The following KMT2B variants were observed in gnomAD, a reference collection of about 807,000 sequenced individuals.
KMT2B encodes histone-lysine N-methyltransferase 2B.
A neutral mutation model predicts 255.3 loss-of-function variants in KMT2B; 22 were observed. The observed-to-expected ratio is 0.09, with a 90% confidence interval of 0.06 to 0.12. The LOEUF (loss-of-function observed/expected upper bound fraction) is 0.12, where lower values mean the gene tolerates loss of function less well. Among genes scored for constraint, KMT2B ranks in the 10% least tolerant of loss-of-function variants. KMT2B has a pLI of 1.00. For missense variants in KMT2B, 3,149 were observed against 3,737.0 expected (o/e 0.84, Z 4.10); for synonymous variants, 1,730 against 1,498.1 (o/e 1.15, Z -3.57).
chr19:35,725,873 C>A lies in KMT2B; in HGVS notation c.3885+55C>A. The A allele has an allele frequency of 7.0e-7, 1 of 1,423,278 alleles. No individual in the cohort carries two copies. The allele number at this position is 1,423,278 out of a possible 1,614,324, so 88.2% of individuals were successfully genotyped here. ...GTCTCTAATGAATATCACCACCACC[C>A]CCAAACTTGCTCTAGGCTGGGGCTC... On this transcript the variant is annotated intron_variant, in intron 13 of 36. Coordinates refer to ENST00000420124, the MANE Select transcript of KMT2B (RefSeq NM_014727.3). This position sits in a 1 kb window ranked among gnomAD's most constrained non-coding sequence, Gnocchi z 4.1.
chr19:35,719,012 C>T (rs774462508), intron 1 of KMT2B, among the ~76,000 whole-genome samples: 73 of 152,180 alleles, frequency 4.8e-4, no homozygotes, highest in Non-Finnish European at 5.9e-4. Context: ...CCTGAGAGCT[C>T]GCAGTGGAGC....
chr19:35,728,939 G>C (rs1969576263), intron 20 of KMT2B, 46 bp from the exon 21 acceptor site: 1 of 1,612,592 alleles, frequency 6.2e-7, no homozygotes, highest in Non-Finnish European at 8.5e-7. Context: ...TGGTGGCCTG[G>C]CTCCGGGTCC....
At position 35,733,733 on chromosome 19, in the gene KMT2B, T is replaced by C; in HGVS notation, c.7050-30T>C. 1 of 1,610,126 alleles carries C rather than the reference T, an allele frequency of 6.2e-7. No individual in the cohort carries two copies. Among genetic ancestry groups the C allele is most frequent in the African/African-American group, 1.3e-5 (1 of 74,826 alleles). On this transcript the variant is annotated intron_variant, in intron 29 of 36. Coordinates refer to ENST00000420124, the MANE Select transcript of KMT2B (RefSeq NM_014727.3). This position sits in a 1 kb window ranked among gnomAD's most constrained non-coding sequence, Gnocchi z 4.3. The stretch of plus-strand genomic sequence containing the variant: ...CCTGGAGGGTCTGGGACCTCTGTCC[T>C]TCCCCTTCCTGACAGGTCTCTTCTC...
intron 2 of KMT2B, 59 bp downstream of exon 2, chr19:35,719,600 T>C (rs960774998): frequency 6.5e-7 from 1 of 1,537,608 alleles, no homozygotes; most frequent in Non-Finnish European, 8.9e-7. Context: ...TCGCCCTTCG[T>C]GTCAGCTCTT....
At chr19:35,724,601 G>T in intron 8 of KMT2B, 36 bp from the exon 9 acceptor site, 1 of 1,524,212 alleles carries the variant, frequency 6.6e-7, no homozygotes, top group East Asian at 2.4e-5. Context: ...GGGCGTGGAA[G>T]GGGAGTGACC....
Position 35,726,321 on chromosome 19 carries a change from T to C in KMT2B, c.3971T>C (p.Leu1324Pro). 6.2e-7 allele frequency: 1 copy of C among 1,613,656 alleles called. No individual in the cohort carries two copies. Among genetic ancestry groups the C allele is most frequent in the Non-Finnish European group, 8.5e-7 (1 of 1,179,732 alleles). ...WDVEWSGDYS[L>P]CPRCTQLYEK... Reference sequence around the variant, plus strand: ...GTCGAGTGGTCTGGAGATTACAGCCTCTGCCCCAGGTGCACCCAGCTATAT... The same window carrying C: ...GTCGAGTGGTCTGGAGATTACAGCCCCTGCCCCAGGTGCACCCAGCTATAT... Residue 1324 changes from leucine to proline, a missense_variant, in exon 14 of 37, where the codon CTC (leucine) becomes CCC (proline). By Grantham distance (98) the Leu-to-Pro change is moderately conservative. Coordinates refer to ENST00000420124, the MANE Select transcript of KMT2B (RefSeq NM_014727.3).
Position 35,719,519 on chromosome 19 carries a change from C to T in KMT2B, c.414C>T (p.Arg138=), listed in dbSNP as rs767975187. Residue 138 remains arginine (R), a synonymous_variant, in exon 2 of 37, where the codon CGC becomes CGT. Transcript: ENST00000420124. ...AAGATGTGGCCCCCAGTTCCCTGCG[C>T]TCTGCGCTCCGATCCCAGCGAGGTG... is the stretch of plus-strand genomic sequence containing the variant. ...SDEDVAPSSL[R]SALRSQRGRA... 13 of 1,591,928 alleles carry T rather than the reference C, an allele frequency of 8.2e-6. No individual in the cohort carries two copies. Among genetic ancestry groups the T allele is most frequent in the Non-Finnish European group, 8.6e-7 (1 of 1,169,440 alleles).
At position 35,733,459 on chromosome 19, in the gene KMT2B, G is replaced by A. The variant is rs777606047; in HGVS notation, c.6910G>A (p.Gly2304Arg). 3 of 1,562,110 alleles carry A rather than the reference G, an allele frequency of 1.9e-6. No homozygotes were observed. In the South Asian group the frequency reaches 3.5e-5, roughly 18 times the overall value. The part of the protein sequence containing the change: ...PYKAPRLDED[G>R]EASEDTPQVP... ...CAAAGCCCCCCGGCTGGATGAAGAT[G>A]GAGAGGCCTCAGAGGATACCCCTCA... The change falls in exon 28 of 37, where the codon GGA becomes AGA. Residue 2304 changes from glycine (G) to arginine (R), a missense_variant. Transcript: ENST00000420124. The surrounding 1 kb of genome is among the most constrained non-coding windows in gnomAD (Gnocchi z 4.3).
chr19:35,729,293 G>A lies in KMT2B; in HGVS notation c.4914G>A (p.Gln1638=), dbSNP rs1213046592. 12 of 1,596,696 alleles carry A rather than the reference G, an allele frequency of 7.5e-6. No homozygotes were observed. The highest frequency in any genetic ancestry group is 4.5e-5 in the East Asian group (2 of 44,058). Residue 1638 remains glutamine, a synonymous_variant, in exon 22 of 37, where the codon CAG becomes CAA. Transcript: ENST00000420124. ...NVHAAVARGR[Q]MRCELCLKPG... ...ATGCTGCTGTGGCCCGAGGGAGGCA[G>A]ATGGTGAGGGCGCGGGCGCAGAGAG...
At position 35,732,613 on chromosome 19, in the gene KMT2B, G is replaced by T. The variant is rs1470023484; in HGVS notation, c.6064G>T (p.Asp2022Tyr). Reference sequence around the variant, plus strand: ...GGGGAGCAGCCACGGGGGCCCGGGGGACAGCTCCGAGGAGGAGTCCAGCCC... The same window carrying T: ...GGGGAGCAGCCACGGGGGCCCGGGGTACAGCTCCGAGGAGGAGTCCAGCCC... Reference protein sequence around the residue: ...AMGSSHGGPGDSSEEESSPTS... With the variant: ...AMGSSHGGPGYSSEEESSPTS... The change falls in exon 28 of 37, where the codon GAC becomes TAC. Residue 2022 changes from aspartate (D) to tyrosine (Y), a missense_variant. Around this residue, in one of 18 missense-constraint regions of KMT2B, gnomAD observed 897 missense variants for 825.3 expected, o/e 1.09. Transcript: ENST00000420124. The T allele has an allele frequency of 6.2e-7, 1 of 1,612,486 alleles. No homozygotes were observed.
rs1443251480 is a variant in KMT2B at position 35,727,826 on chromosome 19, G to A, written c.4392+39G>A. On this transcript the variant is annotated intron_variant, in intron 17 of 36. Transcript: ENST00000420124. The surrounding 1 kb of genome is among the most constrained non-coding windows in gnomAD (Gnocchi z 4.2). ...CAGGAGGAGCAGGTGGGTGGCAGGA[G>A]GAGAGGGCTGGAATTGTGCAGAGGG... The A allele has an allele frequency of 6.2e-7, 1 of 1,613,164 alleles. No homozygotes were observed. The highest frequency in any genetic ancestry group is 8.5e-7 in the Non-Finnish European group (1 of 1,179,246).
Position 35,718,165 on chromosome 19 carries a change from C to T in KMT2B, c.147C>T (p.Arg49=), listed in dbSNP as rs1969027272. 1.9e-6 allele frequency: 2 copies of T among 1,080,382 alleles called. No individual in the cohort carries two copies. Among genetic ancestry groups the T allele is most frequent in the Non-Finnish European group, 2.2e-6 (2 of 892,546 alleles). The allele number at this position is 1,080,382 out of a possible 1,614,324, so 66.9% of individuals were successfully genotyped here. ...GAERVRVALR[R]GGGATGPGGA... is the part of the protein sequence containing the mutation. The stretch of plus-strand genomic sequence containing the variant: ...AAAGAGTGCGGGTAGCTCTGCGGCG[C>T]GGCGGTGGCGCGACGGGGCCGGGCG... Residue 49 remains arginine (R), a synonymous_variant, in exon 1 of 37, where the codon CGC becomes CGT. Coordinates refer to ENST00000420124, the MANE Select transcript of KMT2B (RefSeq NM_014727.3). This position sits in a 1 kb window ranked among gnomAD's most constrained non-coding sequence, Gnocchi z 5.0.
In KMT2B at chr19:35,721,271, C is replaced by A; in HGVS notation, c.1924C>A (p.Arg642=). The change falls in exon 3 of 37, where the codon CGG becomes AGG. Residue 642 remains arginine (R), a synonymous_variant. Transcript: ENST00000420124. The part of the protein sequence containing the change: ...SPPPAPATSS[R]RPLLLRAPQF... ...ACCCCCTGCTCCTGCCACCTCCTCC[C>A]GGAGGCCCCTACTCCTTCGGGCCCC... The A allele has an allele frequency of 6.5e-7, 1 of 1,540,892 alleles. No individual in the cohort carries two copies. The highest frequency in any genetic ancestry group is 2.5e-5 in the East Asian group (1 of 40,680).
At chr19:35,729,733 C>G (rs1289588648) in intron 22 of KMT2B, among the ~76,000 whole-genome samples, 1 of 152,222 alleles carries the variant, frequency 6.6e-6, no homozygotes, top group African/African-American at 2.4e-5. Context: ...CGCCTGAAAA[C>G]TGTGACAAAG....
At position 35,733,593 on chromosome 19, in the gene KMT2B, C is replaced by T. The variant is rs1174578682; in HGVS notation, c.6960-4C>T. ...GCTCATCCTTCTCGGGCTCGCCCTCCCAGGTTTAGCCGTGTGAGGATGAAA... is the reference window on the plus strand; with the variant it reads ...GCTCATCCTTCTCGGGCTCGCCCTCTCAGGTTTAGCCGTGTGAGGATGAAA... On this transcript the variant is annotated splice_region_variant and splice_polypyrimidine_tract_variant and intron_variant, in intron 28 of 36. Coordinates refer to ENST00000420124, the MANE Select transcript of KMT2B (RefSeq NM_014727.3). The surrounding 1 kb of genome is among the most constrained non-coding windows in gnomAD (Gnocchi z 4.3). 3 of 1,572,072 alleles carry T rather than the reference C, an allele frequency of 1.9e-6. No individual in the cohort carries two copies. The highest frequency in any genetic ancestry group is 1.2e-5 in the South Asian group (1 of 85,564).
At chr19:35,736,595 T>A in intron 30 of KMT2B, 95 bp from the exon 31 acceptor site, 1 of 1,443,690 alleles carries the variant, frequency 6.9e-7, no homozygotes, top group Non-Finnish European at 9.5e-7. Flanking sequence ...CGCCTAGGGG[T>A]GGAGAGAGTG....
rs772745445 is a variant in KMT2B at position 35,732,122 on chromosome 19, C to G, written c.5652C>G (p.Pro1884=). ...CCTTGGGGGGTGTCTCCTTTGGCCC[C>G]CTGCCCTCCCCTGGTGAGCACCGGG... ...RRPLGGVSFG[P]LPSPGSPSSL... The change falls in exon 27 of 37, where the codon CCC becomes CCG. Residue 1884 remains proline (P), a synonymous_variant. Coordinates refer to ENST00000420124, the MANE Select transcript of KMT2B (RefSeq NM_014727.3). 3.8e-6 allele frequency: 6 copies of G among 1,592,906 alleles called. No homozygotes were observed. The Admixed American group carries it at 7.0e-5, about 19-fold the overall frequency.
rs780994590 is a variant in KMT2B at position 35,732,379 on chromosome 19, C to T, written c.5830C>T (p.Pro1944Ser). ...CTCCCCTCAGCTCAGGGTGCCCCCT[C>T]CTACCTCAGTCGTCACAGCCCTCAC... Reference protein sequence around the residue: ...KTSPQLRVPPPTSVVTALTPT... With the variant: ...KTSPQLRVPPSTSVVTALTPT... Residue 1944 changes from proline (P) to serine (S), a missense_variant, in exon 28 of 37, where the codon CCT becomes TCT. Coordinates refer to ENST00000420124, the MANE Select transcript of KMT2B (RefSeq NM_014727.3). The T allele has an allele frequency of 5.6e-6, 9 of 1,613,212 alleles. No individual in the cohort carries two copies. Among genetic ancestry groups the T allele is most frequent in the Non-Finnish European group, 7.6e-6 (9 of 1,179,556 alleles).
intron 26 of KMT2B, among the ~76,000 whole-genome samples, chr19:35,731,649 G>A (rs759522622): frequency 4.6e-5 from 7 of 152,182 alleles, no homozygotes; most frequent in South Asian, 4.1e-4. Context: ...TCCCCATGGC[G>A]TGCAAAGCCT....
Sources: allele counts gnomAD v4.1 joint callset (sites outside exome capture counted in the v4.1 genomes callset), GRCh38; gene constraint gnomAD v4.1.1; regional missense constraint gnomAD v4.1.1; non-coding constraint Gnocchi (gnomAD v3.1); transcripts MANE v1.5; gene names NCBI Gene and HGNC (gene_info 2026-07-23, HGNC 2026-07-21).